PRKN: variants seen among roughly 807,000 people sequenced by gnomAD.
The protein encoded by PRKN is parkin RBR E3 ubiquitin protein ligase, also known as E3 ubiquitin-protein ligase parkin.
A neutral mutation model predicts 59.5 loss-of-function variants in PRKN; 56 were observed. The observed-to-expected ratio is 0.94, with a 90% CI of 0.76 to 1.18. PRKN has a LOEUF of 1.18. Among genes scored for constraint, PRKN ranks in the 50% most tolerant of loss-of-function variants. The probability of loss-of-function intolerance (pLI) is 0.00; values close to 1 mark genes in which losing one functional copy is unlikely to be tolerated. For synonymous variants in PRKN, 250 were observed against 222.1 expected (o/e 1.13, Z -1.12); for missense variants, 657 against 596.4 (o/e 1.10, Z -1.06).
intron 7 of PRKN, among the ~76,000 whole-genome samples, chr6:161,775,916 G>A (rs890465157): frequency 1.3e-5 from 2 of 152,172 alleles, no homozygotes; most frequent in African/African-American, 4.8e-5. Flanking sequence ...GATGGAAAGG[G>A]AATTGCATTC....
rs80095271 is a variant in PRKN, at chr6:161,822,167, G to C, written c.735-36259C>G. Among the ~76,000 whole-genome samples, 1,410 of 152,180 alleles carry C rather than the reference G, an allele frequency of 9.3e-3. 26 individuals carry two copies. Among genetic ancestry groups the C allele is most frequent in the South Asian group, 0.069 (333 of 4,816 alleles). The stretch of plus-strand genomic sequence containing the variant: ...GCAATAACACCCCAATATTTAATGG[G>C]ACATGCGGTCATACAGGATGAAGAC... On this transcript the variant is annotated intron_variant, in intron 6 of 11. Coordinates refer to ENST00000366898, the MANE Select transcript of PRKN (RefSeq NM_004562.3).
intron 6 of PRKN, among the ~76,000 whole-genome samples, chr6:161,908,092 G>GACAACA (rs71799804): frequency 2.2e-4 from 34 of 151,618 alleles, no homozygotes; most frequent in African/African-American, 5.1e-4. Context: ...TAACAACAAC[G>GACAACA]ACAACAACAA....
intron 1 of PRKN, chr6:162,568,510 A>G (rs893401104): frequency 1.4e-6 from 1 of 703,878 alleles, no homozygotes; most frequent in African/African-American, 1.8e-5. Flanking sequence ...GTTGTGGTCA[A>G]CCAGAGACTG....
chr6:162,007,151 T>C (rs1782288854), intron 5 of PRKN, among the ~76,000 whole-genome samples: 1 of 152,154 alleles, frequency 6.6e-6, no homozygotes, highest in Admixed American at 6.5e-5. Flanking sequence ...AGGTTGCTAT[T>C]AGTCATTTTT....
chr6:161,778,125 T>G (rs12208431), intron 7 of PRKN, among the ~76,000 whole-genome samples: 60,221 of 151,610 alleles, frequency 0.4, 12,368 homozygotes, highest in South Asian at 0.52. Context: ...GCACAGAAGA[T>G]CCTGGAACAG....
intron 6 of PRKN, among the ~76,000 whole-genome samples, chr6:161,887,615 A>G (rs1027809166): frequency 7.1e-5 from 10 of 140,604 alleles, no homozygotes; most frequent in Admixed American, 1.4e-4. Flanking sequence ...CACTTATATT[A>G]TTCCTAATGT....
intron 1 of PRKN, among the ~76,000 whole-genome samples, chr6:162,631,739 G>C (rs1783116654): frequency 6.6e-6 from 1 of 151,970 alleles, no homozygotes; most frequent in Non-Finnish European, 1.5e-5. Context: ...ATTGCTTTTG[G>C]GGACTTAGCC....
At chr6:162,653,948 C>G (rs1778543285) in intron 1 of PRKN, among the ~76,000 whole-genome samples, 1 of 152,162 alleles carries the variant, frequency 6.6e-6, no homozygotes, top group Admixed American at 6.5e-5. Context: ...ACAAAAACTG[C>G]TTTCTTTGTT....
At chr6:161,449,646 A>G (rs1248575474) in intron 9 of PRKN, among the ~76,000 whole-genome samples, 1 of 152,172 alleles carries the variant, frequency 6.6e-6, no homozygotes, top group Non-Finnish European at 1.5e-5. Flanking sequence ...AGTTGCTGAA[A>G]ACTGGCATCT....
rs572272185 is a variant in PRKN, at chr6:162,437,363, A to T, written c.171+5947T>A. 3.7e-4 allele frequency among the ~76,000 whole-genome samples: 57 copies of T among 152,238 alleles called. No individual in the cohort carries two copies. The South Asian group carries it at 9.7e-3, about 26-fold the overall frequency. ...GACAGATATCCTAGGTTTTTTTTAA[A>T]TTCAACTTTATATTAAAATGCTTAC... is the stretch of plus-strand genomic sequence containing the variant. On this transcript the variant is annotated intron_variant, in intron 2 of 11. Coordinates refer to ENST00000366898, the MANE Select transcript of PRKN (RefSeq NM_004562.3).
intron 7 of PRKN, among the ~76,000 whole-genome samples, chr6:161,626,102 A>G (rs917989811): frequency 1.3e-5 from 2 of 152,136 alleles, no homozygotes; most frequent in Non-Finnish European, 2.9e-5. Flanking sequence ...TTAAGATCCT[A>G]TATGTTCCTG....
At chr6:162,609,530 T>C (rs1562432268) in intron 1 of PRKN, among the ~76,000 whole-genome samples, 1 of 152,240 alleles carries the variant, frequency 6.6e-6, no homozygotes, top group Non-Finnish European at 1.5e-5. Flanking sequence ...GAAAGTCAAA[T>C]ATCACTAACA....
intron 7 of PRKN, among the ~76,000 whole-genome samples, chr6:161,663,300 A>T (rs1053957616): frequency 3.3e-5 from 5 of 152,102 alleles, no homozygotes; most frequent in Non-Finnish European, 7.4e-5. Flanking sequence ...CCTAGCTCTG[A>T]CACCGGACCT....
At chr6:162,461,177 C>T (rs534728632) in intron 1 of PRKN, among the ~76,000 whole-genome samples, 2 of 138,500 alleles carry the variant, frequency 1.4e-5, no homozygotes, top group African/African-American at 2.8e-5. Context: ...TTGTGCCATG[C>T]GTACCACACC....
In PRKN at chr6:161,396,823, G is replaced by A. The variant is rs1786781554; in HGVS notation, c.1084-9946C>T. Among the ~76,000 whole-genome samples the A allele has an allele frequency of 6.6e-6, 1 of 152,156 alleles. No homozygotes were observed. The highest frequency in any genetic ancestry group is 2.4e-5 in the African/African-American group (1 of 41,416). Reference sequence around the variant, plus strand: ...TCCCTGAATACCTGGGCCCGCCCTGGGCAACTTGGGGCAAGGCCAGCTTTG... The same window carrying A: ...TCCCTGAATACCTGGGCCCGCCCTGAGCAACTTGGGGCAAGGCCAGCTTTG... On this transcript the variant is annotated intron_variant, in intron 9 of 11. Transcript: ENST00000366898. This position sits in a 1 kb window ranked among gnomAD's most constrained non-coding sequence, Gnocchi z 5.4.
In PRKN at chr6:161,382,434, T is replaced by G. The variant is rs529017085; in HGVS notation, c.1167+4360A>C. 3.3e-5 allele frequency among the ~76,000 whole-genome samples: 5 copies of G among 152,274 alleles called. No individual in the cohort carries two copies. In the South Asian group the frequency reaches 1.0e-3, roughly 32 times the overall value. On this transcript the variant is annotated intron_variant, in intron 10 of 11. Coordinates refer to ENST00000366898, the MANE Select transcript of PRKN (RefSeq NM_004562.3). ...TTAGGTAAAGTATAGCCACTGAAAT[T>G]GATCTCTTCTGCGGCTTTAGAGAGC...
chr6:162,202,845 G>A (rs553608783), intron 3 of PRKN, among the ~76,000 whole-genome samples: 12 of 152,298 alleles, frequency 7.9e-5, no homozygotes, highest in Non-Finnish European at 2.9e-5. Flanking sequence ...CAATTCTGAC[G>A]TGCACTAAGA....
At chr6:161,731,030 T>C (rs1355398700) in intron 7 of PRKN, among the ~76,000 whole-genome samples, 1 of 152,258 alleles carries the variant, frequency 6.6e-6, no homozygotes, top group East Asian at 1.9e-4. Flanking sequence ...TTCGTTCTGA[T>C]ATCTTGCAGT....
At chr6:162,418,613 A>AGTGTGTGTGTGTGTGTGT (rs140621171) in intron 2 of PRKN, among the ~76,000 whole-genome samples, 4,166 of 126,256 alleles carry the variant, frequency 0.033, 163 homozygotes, top group East Asian at 0.078. Context: ...AGGGACAGAC[A>AGTGTGTGTGTGTGTGTGT]GTGTGTGTGT....
Sources: allele counts gnomAD v4.1 joint callset (sites outside exome capture counted in the v4.1 genomes callset), GRCh38; gene constraint gnomAD v4.1.1; non-coding constraint Gnocchi (gnomAD v3.1); transcripts MANE v1.5; gene names NCBI Gene and HGNC (gene_info 2026-07-23, HGNC 2026-07-21).